The following LAMC1 variants were observed in gnomAD, a reference collection of about 807,000 sequenced individuals.
The protein encoded by LAMC1 is laminin subunit gamma-1.
A neutral mutation model predicts 173.6 loss-of-function variants in LAMC1; 38 were observed. The observed-to-expected ratio is 0.22, with a 90% CI of 0.17 to 0.29. The LOEUF (loss-of-function observed/expected upper bound fraction) is 0.29, where lower values mean the gene tolerates loss of function less well. LAMC1 is among the 10% of genes least tolerant of loss of function. The pLI is 1.00. For synonymous variants in LAMC1, 746 were observed against 749.1 expected (o/e 1.00, Z 0.07); for missense variants, 1,824 against 2,051.8 (o/e 0.89, Z 2.14).
intron 1 of LAMC1, among the ~76,000 whole-genome samples, chr1:183,053,335 T>A (rs578157277): frequency 6.6e-6 from 1 of 152,342 alleles, no homozygotes; most frequent in South Asian, 2.1e-4. Context: ...GTCTAACCAT[T>A]ATTTCCTGTA....
At chr1:183,036,638 G>T (rs934582507) in intron 1 of LAMC1, among the ~76,000 whole-genome samples, 1 of 152,020 alleles carries the variant, frequency 6.6e-6, no homozygotes, top group Non-Finnish European at 1.5e-5. Flanking sequence ...TGATCCGCCC[G>T]CCTCGGCTTC....
chr1:183,073,459 TC>T (rs1655058463), intron 1 of LAMC1, among the ~76,000 whole-genome samples: 1 of 152,194 alleles, frequency 6.6e-6, no homozygotes, highest in African/African-American at 2.4e-5. Flanking sequence ...TCTGATAACC[TC>T]CCAAACCTTT....
chr1:183,039,998 G>A (rs987662235), intron 1 of LAMC1, among the ~76,000 whole-genome samples: 1 of 152,202 alleles, frequency 6.6e-6, no homozygotes, highest in African/African-American at 2.4e-5. Flanking sequence ...AGGCTGCTTT[G>A]TTCCCTCGAG....
At chr1:183,136,139 G>A (rs889011360) in intron 24 of LAMC1, among the ~76,000 whole-genome samples, 3 of 152,146 alleles carry the variant, frequency 2.0e-5, no homozygotes, top group Non-Finnish European at 2.9e-5. Context: ...GATGCTCAGC[G>A]CTCTGCATTT....
At chr1:183,127,544 G>C (rs1055357692) in intron 17 of LAMC1, 140 bp downstream of exon 17, 4 of 653,632 alleles carry the variant, frequency 6.1e-6, no homozygotes, top group Non-Finnish European at 7.7e-6. Context: ...CAGTTGGGAG[G>C]CAAATAATAA....
intron 13 of LAMC1, among the ~76,000 whole-genome samples, chr1:183,124,246 A>G (rs541230284): frequency 7.2e-5 from 11 of 152,364 alleles, no homozygotes; most frequent in Non-Finnish European, 1.6e-4. Flanking sequence ...TACAGTGTCA[A>G]GAGTGGCACT....
intron 1 of LAMC1, among the ~76,000 whole-genome samples, chr1:183,032,917 C>A (rs550538405): frequency 6.6e-6 from 1 of 151,842 alleles, no homozygotes; most frequent in East Asian, 1.9e-4. Context: ...ATTTTGTGTT[C>A]TATTCTTGAG....
chr1:183,108,148 T>C (rs1656038908), intron 2 of LAMC1, 128 bp from the exon 3 acceptor site: 5 of 761,076 alleles, frequency 6.6e-6, no homozygotes, highest in Non-Finnish European at 1.1e-5. Context: ...AGTATTATAA[T>C]AGATTTAGTG....
At chr1:183,117,858 C>T in intron 10 of LAMC1, 135 bp downstream of exon 10, 2 of 840,214 alleles carry the variant, frequency 2.4e-6, no homozygotes, top group East Asian at 5.1e-5. Flanking sequence ...TAAAAGGGAG[C>T]CTTCCTTTCT....
intron 1 of LAMC1, among the ~76,000 whole-genome samples, chr1:183,088,700 TG>T (rs1334763863): frequency 1.3e-5 from 2 of 152,158 alleles, no homozygotes; most frequent in Non-Finnish European, 2.9e-5. Flanking sequence ...AAGTGCTATG[TG>T]TTCGGAAAAG....
At chr1:183,053,859 C>T (rs987670597) in intron 1 of LAMC1, among the ~76,000 whole-genome samples, 5 of 152,154 alleles carry the variant, frequency 3.3e-5, no homozygotes, top group Non-Finnish European at 7.4e-5. Context: ...CTCCTGAGCT[C>T]AGGCAATCCA....
intron 1 of LAMC1, among the ~76,000 whole-genome samples, chr1:183,086,853 G>A (rs1655442254): frequency 6.6e-6 from 1 of 152,086 alleles, no homozygotes; most frequent in African/African-American, 2.4e-5. Context: ...AGTTCCTGTG[G>A]CATTTTAGCA....
Position 183,142,773 on chromosome 1 carries a change from T to A in LAMC1, c.4813T>A (p.Ser1605Thr). The change falls in exon 28 of 28, where the codon TCC (serine) becomes ACC (threonine). Residue 1605 changes from serine (S) to threonine (T), a missense_variant. By Grantham distance (58) the Ser-to-Thr change is moderately conservative. Transcript: ENST00000258341. Reference sequence around the variant, plus strand: ...ACCATCTGGCTGCTTCAACACCCCGTCCATTGAAAAGCCCTAGTGTCTTTA... The same window carrying A: ...ACCATCTGGCTGCTTCAACACCCCGACCATTGAAAAGCCCTAGTGTCTTTA... The part of the protein sequence containing the change: ...TLPSGCFNTP[S>T]IEKP 6.2e-7 allele frequency: 1 copy of A among 1,612,358 alleles called. No individual in the cohort carries two copies. Among genetic ancestry groups the A allele is most frequent in the Non-Finnish European group, 8.5e-7 (1 of 1,179,174 alleles).
At position 183,110,413 on chromosome 1, in the gene LAMC1, G is replaced by A; in HGVS notation, c.855-75G>A. 5 of 1,162,674 alleles carry A rather than the reference G, an allele frequency of 4.3e-6. No homozygotes were observed. In the South Asian group the frequency reaches 7.6e-5, roughly 18 times the overall value. The allele number at this position is 1,162,674 out of a possible 1,614,324, so 72.0% of individuals were successfully genotyped here. On this transcript the variant is annotated intron_variant, in intron 3 of 27. Coordinates refer to ENST00000258341, the MANE Select transcript of LAMC1 (RefSeq NM_002293.4). Reference sequence around the variant, plus strand: ...TGAATGGTAAAACTTACTTCTTTGTGTACATAGTTTTTCTGTGTGCATTTC... The same window carrying A: ...TGAATGGTAAAACTTACTTCTTTGTATACATAGTTTTTCTGTGTGCATTTC...
chr1:183,104,316 A>G (rs1054280753), intron 2 of LAMC1, among the ~76,000 whole-genome samples: 5 of 152,212 alleles, frequency 3.3e-5, no homozygotes, highest in African/African-American at 1.2e-4. Context: ...TGAATTCTAC[A>G]TGCATATTCC....
chr1:183,045,154 G>A (rs6660111), intron 1 of LAMC1, among the ~76,000 whole-genome samples: 77,672 of 149,622 alleles, frequency 0.52, 20,479 homozygotes, highest in South Asian at 0.64. Context: ...TGTTTTAAAT[G>A]TATATGGCCA....
chr1:183,130,535 G>T lies in LAMC1; in HGVS notation c.3472G>T (p.Ala1158Ser), dbSNP rs145429739. 2.1e-5 allele frequency: 34 copies of T among 1,613,986 alleles called. No individual in the cohort carries two copies. The highest frequency in any genetic ancestry group is 2.8e-5 in the Non-Finnish European group (33 of 1,179,976). ...CAGAGAACTTGAGAAAGCAAAAGTC[G>T]CTGCTGCCAATGTGGTAAGTGATTG... ...ASRELEKAKVAAANVSVTQPE... is the reference protein window; with the variant it reads ...ASRELEKAKVSAANVSVTQPE... Residue 1158 changes from alanine (A) to serine (S), a missense_variant, in exon 19 of 28, where the codon GCT becomes TCT. Transcript: ENST00000258341.
intron 1 of LAMC1, among the ~76,000 whole-genome samples, chr1:183,049,284 G>C (rs1213770042): frequency 6.6e-6 from 1 of 152,026 alleles, no homozygotes; most frequent in African/African-American, 2.4e-5. Context: ...CTTTAATACT[G>C]GTCTGATTGT....
At chr1:183,081,233 C>T (rs10911229) in intron 1 of LAMC1, among the ~76,000 whole-genome samples, 1 of 151,900 alleles carries the variant, frequency 6.6e-6, no homozygotes, top group Non-Finnish European at 1.5e-5. Context: ...CCTTTGAAAG[C>T]CTATAACACA....
Sources: allele counts gnomAD v4.1 joint callset (sites outside exome capture counted in the v4.1 genomes callset), GRCh38; gene constraint gnomAD v4.1.1; transcripts MANE v1.5; gene names NCBI Gene and HGNC (gene_info 2026-07-23, HGNC 2026-07-21).